The following PHLPP2 variants were observed in gnomAD, a reference collection of about 807,000 sequenced individuals.
PHLPP2 encodes PH domain leucine-rich repeat-containing protein phosphatase 2.
Under a neutral mutation model 124.9 loss-of-function variants are expected in PHLPP2, and 66 were observed. The ratio of observed to expected loss-of-function variants is 0.53; its 90% confidence interval spans 0.43 to 0.65. The LOEUF (loss-of-function observed/expected upper bound fraction) is 0.65, where lower values mean the gene tolerates loss of function less well. Ranked by LOEUF, PHLPP2 falls within the 30% of genes least tolerant of loss-of-function variation. The pLI, the probability that PHLPP2 is intolerant of heterozygous loss-of-function variation, is 0.00. For missense variants in PHLPP2, 1,685 were observed against 1,600.4 expected (o/e 1.05, Z -0.90); for synonymous variants, 681 against 624.7 (o/e 1.09, Z -1.34).
chr16:71,698,778 A>C (rs1255204909), intron 3 of PHLPP2: 6 of 256,074 alleles, frequency 2.3e-5, no homozygotes, highest in Non-Finnish European at 4.7e-5. Flanking sequence ...TGTTATCTCC[A>C]CAGCTTTTAT....
At chr16:71,660,696 G>A (rs1038824971) in intron 13 of PHLPP2, among the ~76,000 whole-genome samples, 9 of 152,072 alleles carry the variant, frequency 5.9e-5, no homozygotes, top group Non-Finnish European at 8.8e-5. Context: ...GAGCCACTGC[G>A]CCCGGCCTAT....
In PHLPP2 at chr16:71,649,595, C is replaced by G; in HGVS notation, c.3267G>C (p.Val1089=). Residue 1089 remains valine (V), a synonymous_variant, in exon 19 of 19, where the codon GTG becomes GTC. Coordinates refer to ENST00000568954, the MANE Select transcript of PHLPP2 (RefSeq NM_015020.3). The part of the protein sequence containing the change: ...EFSSEMSTSE[V]SSEVGSTASD... ...AAGCAGTGGACCCCACTTCACTGCT[C>G]ACCTCTGAGGTGGACATCTCACTGC... 1.9e-6 allele frequency: 3 copies of G among 1,614,088 alleles called. No individual in the cohort carries two copies. The highest frequency in any genetic ancestry group is 2.5e-6 in the Non-Finnish European group (3 of 1,179,964).
intron 4 of PHLPP2, among the ~76,000 whole-genome samples, chr16:71,688,870 A>G (rs2045079442): frequency 6.6e-6 from 1 of 152,194 alleles, no homozygotes; most frequent in Non-Finnish European, 1.5e-5. Context: ...TCATTAAACT[A>G]GTAGGGATTT....
chr16:71,724,250 G>C (rs2045419405), intron 1 of PHLPP2, 79 bp downstream of exon 1: 1 of 152,240 alleles, frequency 6.6e-6, no homozygotes, highest in African/African-American at 2.4e-5. Context: ...ATTGTGACAA[G>C]ACGCTGCCCT....
Position 71,679,472 on chromosome 16 carries a change from T to C in PHLPP2, c.954A>G (p.Leu318=). The C allele has an allele frequency of 6.2e-7, 1 of 1,613,616 alleles. No homozygotes were observed. The highest frequency in any genetic ancestry group is 8.5e-7 in the Non-Finnish European group (1 of 1,179,592). The change falls in exon 7 of 19, where the codon TTA becomes TTG. Residue 318 remains leucine (L), a synonymous_variant. Transcript: ENST00000568954. ...GCTCAGTCAGGGTAGAGATCTCGCA[T>C]AACAATATAGGAAACAACCCAAGTT... ...HNKLGLFPIL[L]CEISTLTELN...
At chr16:71,716,200 T>G (rs2045361967) in intron 1 of PHLPP2, among the ~76,000 whole-genome samples, 1 of 152,176 alleles carries the variant, frequency 6.6e-6, no homozygotes, top group African/African-American at 2.4e-5. Context: ...TTATCCACTC[T>G]CCTGTTGACA....
intron 9 of PHLPP2, 94 bp from the exon 10 acceptor site, chr16:71,672,416 A>T (rs2145328961): frequency 1.1e-6 from 1 of 878,652 alleles, no homozygotes; most frequent in East Asian, 2.5e-5. Flanking sequence ...AAATCACCAG[A>T]GAGAAAACTG....
intron 18 of PHLPP2, among the ~76,000 whole-genome samples, chr16:71,652,046 A>C (rs917878655): frequency 6.6e-6 from 1 of 152,238 alleles, no homozygotes; most frequent in Non-Finnish European, 1.5e-5. Context: ...GCCTTCATTA[A>C]AACTAAAAGC....
chr16:71,704,081 A>G (rs1321522066), intron 2 of PHLPP2, among the ~76,000 whole-genome samples: 1 of 152,118 alleles, frequency 6.6e-6, no homozygotes, highest in African/African-American at 2.4e-5. Flanking sequence ...CCAGCACTTC[A>G]GGAGGCTGAG....
intron 9 of PHLPP2, among the ~76,000 whole-genome samples, chr16:71,673,244 C>T (rs1208207849): frequency 2.0e-5 from 3 of 152,156 alleles, no homozygotes; most frequent in Non-Finnish European, 2.9e-5. Context: ...CTGCTGGGTA[C>T]AGGGTATGTT....
intron 2 of PHLPP2, among the ~76,000 whole-genome samples, chr16:71,703,251 A>G (rs894318955): frequency 3.9e-5 from 6 of 152,214 alleles, no homozygotes; most frequent in African/African-American, 1.4e-4. Context: ...TTTTGGTGTC[A>G]GGACCCCTTT....
At chr16:71,723,613 G>T in intron 1 of PHLPP2, 1 of 316,908 alleles carries the variant, frequency 3.2e-6, no homozygotes, top group Non-Finnish European at 5.5e-6. Flanking sequence ...GCCGGGTGTG[G>T]GGCGGCCGAC....
At chr16:71,685,852 T>G (rs1219684987) in intron 4 of PHLPP2, among the ~76,000 whole-genome samples, 1 of 152,234 alleles carries the variant, frequency 6.6e-6, no homozygotes, top group African/African-American at 2.4e-5. Context: ...ATTTCTGTAT[T>G]ACAGATGTTG....
chr16:71,711,918 G>A (rs955927423), intron 2 of PHLPP2, among the ~76,000 whole-genome samples: 7 of 152,210 alleles, frequency 4.6e-5, no homozygotes, highest in Non-Finnish European at 2.9e-5. Context: ...GTGAAACTGA[G>A]GAAGTGTCAC....
intron 3 of PHLPP2, among the ~76,000 whole-genome samples, chr16:71,694,776 A>G (rs2045151963): frequency 6.6e-6 from 1 of 151,828 alleles, no homozygotes; most frequent in Admixed American, 6.6e-5. Flanking sequence ...AGAGACCATC[A>G]TTTTTTAAAT....
At chr16:71,683,793 CTTTTG>C (rs1330001794) in intron 5 of PHLPP2, among the ~76,000 whole-genome samples, 1 of 151,920 alleles carries the variant, frequency 6.6e-6, no homozygotes, top group East Asian at 1.9e-4. Flanking sequence ...CTTTTCTTGT[CTTTTG>C]TTTTTTTTTC....
At position 71,649,124 on chromosome 16, in the gene PHLPP2, C is replaced by A. The variant is rs1261090739; in HGVS notation, c.3738G>T (p.Val1246=). The part of the protein sequence containing the change: ...YGKKLSNGSI[V]PLEDSLNLIE... ...TGAGGTTCAGGCTGTCCTCTAGGGG[C>A]ACAATAGAGCCATTGGAGAGTTTCT... The change falls in exon 19 of 19, where the codon GTG becomes GTT. Residue 1246 remains valine, a synonymous_variant. Transcript: ENST00000568954. 2 of 1,613,978 alleles carry A rather than the reference C, an allele frequency of 1.2e-6. No homozygotes were observed. The highest frequency in any genetic ancestry group is 1.7e-6 in the Non-Finnish European group (2 of 1,179,854).
At chr16:71,715,821 T>TA (rs2045358643) in intron 1 of PHLPP2, among the ~76,000 whole-genome samples, 2 of 67,338 alleles carry the variant, frequency 3.0e-5, no homozygotes, top group African/African-American at 1.6e-4. Flanking sequence ...CCACTAAAAA[T>TA]ACAAAAAAAA....
At chr16:71,723,842 G>C (rs1291803909) in intron 1 of PHLPP2, 81 of 1,225,724 alleles carry the variant, frequency 6.6e-5, no homozygotes, top group Non-Finnish European at 8.1e-5. Flanking sequence ...CAGCGGGCCC[G>C]CGGGCCCCGG....
Sources: allele counts gnomAD v4.1 joint callset (sites outside exome capture counted in the v4.1 genomes callset), GRCh38; gene constraint gnomAD v4.1.1; transcripts MANE v1.5; gene names NCBI Gene and HGNC (gene_info 2026-07-23, HGNC 2026-07-21).